Variants in VPS13D observed in about 807,000 individuals in gnomAD.
VPS13D encodes the protein vacuolar protein sorting 13 homolog D, also known as intermembrane lipid transfer protein VPS13D.
In VPS13D, 187 loss-of-function variants were observed where a neutral mutation model predicts 461.9. That is an observed-to-expected ratio of 0.40 (90% confidence interval 0.36 to 0.46). The LOEUF is 0.46. VPS13D is among the 20% of genes least tolerant of loss of function. VPS13D has a pLI of 0.60. For missense variants in VPS13D, 4,711 were observed against 5,364.9 expected (o/e 0.88, Z 3.81); for synonymous variants, 1,951 against 1,986.3 (o/e 0.98, Z 0.47).
chr1:12,290,318 T>A (rs566791744), intron 22 of VPS13D, among the ~76,000 whole-genome samples: 1 of 152,346 alleles, frequency 6.6e-6, no homozygotes, highest in South Asian at 2.1e-4. Flanking sequence ...CCTCCTTTAT[T>A]CTTTTATCCA....
chr1:12,238,229 C>T (rs1394142698), intron 2 of VPS13D, among the ~76,000 whole-genome samples: 1 of 115,112 alleles, frequency 8.7e-6, no homozygotes, highest in African/African-American at 3.5e-5. Context: ...CCAAAAAATC[C>T]CCCCCAAAAA....
chr1:12,492,861 C>T (rs373307322), intron 67 of VPS13D, among the ~76,000 whole-genome samples: 3 of 152,130 alleles, frequency 2.0e-5, no homozygotes, highest in Admixed American at 6.5e-5. Flanking sequence ...AATGTGACAG[C>T]GACATCCTTT....
At chr1:12,233,563 A>C (rs974632330) in intron 1 of VPS13D, among the ~76,000 whole-genome samples, 4 of 152,328 alleles carry the variant, frequency 2.6e-5, no homozygotes, top group Admixed American at 2.0e-4. Flanking sequence ...ACGGCAGTCT[A>C]ATCCCAAGGT....
chr1:12,448,706 G>A (rs1449502513), intron 65 of VPS13D, among the ~76,000 whole-genome samples: 1 of 152,222 alleles, frequency 6.6e-6, no homozygotes, highest in Non-Finnish European at 1.5e-5. Flanking sequence ...TTGAAGATCA[G>A]TTGTCTTGAT....
intron 10 of VPS13D, among the ~76,000 whole-genome samples, chr1:12,259,073 G>A (rs1309775238): frequency 2.0e-5 from 3 of 150,772 alleles, no homozygotes; most frequent in Non-Finnish European, 3.0e-5. Flanking sequence ...ACAAGGTCTG[G>A]CTCTATTGCC....
chr1:12,421,459 T>G (rs1644862448), intron 65 of VPS13D, among the ~76,000 whole-genome samples: 1 of 152,210 alleles, frequency 6.6e-6, no homozygotes, highest in African/African-American at 2.4e-5. Context: ...GTGAAGAATA[T>G]CTGCAAGACA....
chr1:12,463,117 C>T (rs1007224398), intron 67 of VPS13D, among the ~76,000 whole-genome samples: 1 of 152,024 alleles, frequency 6.6e-6, no homozygotes, highest in African/African-American at 2.4e-5. Flanking sequence ...CATGAGACAG[C>T]GATCTGCCTA....
chr1:12,418,822 A>T (rs1224673908), intron 65 of VPS13D, among the ~76,000 whole-genome samples: 8 of 152,188 alleles, frequency 5.3e-5, no homozygotes, highest in Admixed American at 5.2e-4. Context: ...GGACACTGAG[A>T]GTAGGAGAGT....
intron 2 of VPS13D, among the ~76,000 whole-genome samples, chr1:12,236,542 G>A (rs189609393): frequency 2.0e-5 from 3 of 152,070 alleles, no homozygotes; most frequent in East Asian, 1.9e-4. Context: ...CACCACGCCC[G>A]GCTAATTTTT....
intron 23 of VPS13D, among the ~76,000 whole-genome samples, chr1:12,292,917 A>G (rs1157878360): frequency 3.3e-5 from 5 of 152,038 alleles, no homozygotes; most frequent in African/African-American, 1.2e-4. Flanking sequence ...AAAATTCTCA[A>G]TTTCCCGCCT....
At chr1:12,322,839 A>C in intron 34 of VPS13D, 93 bp downstream of exon 34, 3 of 1,081,774 alleles carry the variant, frequency 2.8e-6, no homozygotes, top group Non-Finnish European at 4.0e-6. Context: ...TAAATTGTAC[A>C]CAGTTTAATT....
Position 12,271,017 on chromosome 1 carries a change from G to A in VPS13D, c.1996G>A (p.Glu666Lys), listed in dbSNP as rs764401567. The change falls in exon 17 of 70, where the codon GAG becomes AAG. Residue 666 changes from glutamate (E) to lysine (K), a missense_variant. Glu to Lys is a moderately conservative substitution (Grantham distance 56). This residue lies in a region of VPS13D where 4,411 missense variants were observed against 4,937.8 expected (regional missense o/e 0.89). Transcript: ENST00000620676. ...TSGFGYQSEL[E>K]LRVAEAARRQ... ...AGGTTTTGGTTATCAGTCTGAACTTGAGCTGAGAGTGGCTGAAGCTGCCCG... is the reference window on the plus strand; with the variant it reads ...AGGTTTTGGTTATCAGTCTGAACTTAAGCTGAGAGTGGCTGAAGCTGCCCG... 1.2e-6 allele frequency: 2 copies of A among 1,613,820 alleles called. No homozygotes were observed. Among genetic ancestry groups the A allele is most frequent in the South Asian group, 1.1e-5 (1 of 91,064 alleles).
intron 21 of VPS13D, among the ~76,000 whole-genome samples, chr1:12,285,266 G>T (rs1443829645): frequency 1.4e-5 from 2 of 145,090 alleles, no homozygotes; most frequent in South Asian, 2.1e-4. Flanking sequence ...TTTATTTTAT[G>T]TATTTATTTA....
intron 5 of VPS13D, among the ~76,000 whole-genome samples, chr1:12,246,946 G>A (rs1191424645): frequency 6.6e-6 from 1 of 152,180 alleles, no homozygotes; most frequent in Admixed American, 6.5e-5. Flanking sequence ...AAACATTTGT[G>A]TATAGGGTTT....
intron 54 of VPS13D, among the ~76,000 whole-genome samples, chr1:12,371,638 C>T (rs973015743): frequency 3.9e-5 from 6 of 152,092 alleles, no homozygotes; most frequent in African/African-American, 1.4e-4. Flanking sequence ...GGCGATCCAC[C>T]CACCTCTGCC....
chr1:12,342,011 G>A (rs997079596), intron 41 of VPS13D, 126 bp downstream of exon 41: 3 of 766,988 alleles, frequency 3.9e-6, no homozygotes, highest in Non-Finnish European at 6.2e-6. Flanking sequence ...ATAACTTGCT[G>A]TCTTGCTGAG....
intron 21 of VPS13D, among the ~76,000 whole-genome samples, chr1:12,286,840 A>C (rs1641987868): frequency 3.3e-5 from 5 of 152,138 alleles, no homozygotes; most frequent in Admixed American, 3.3e-4. Context: ...GGTAAAATTA[A>C]ATGACTAGAG....
At chr1:12,321,408 G>GTCT (rs1553179040) in intron 32 of VPS13D, among the ~76,000 whole-genome samples, 1 of 152,046 alleles carries the variant, frequency 6.6e-6, no homozygotes, top group Admixed American at 6.6e-5. Context: ...AATCCATATG[G>GTCT]TCTTTTTTGT....
chr1:12,295,658 T>G (rs1454201179), intron 24 of VPS13D, among the ~76,000 whole-genome samples: 1 of 152,156 alleles, frequency 6.6e-6, no homozygotes, highest in East Asian at 1.9e-4. Flanking sequence ...CTTTAACAAC[T>G]CAAAAAAAAT....
Sources: gnomAD v4.1 joint callset for allele counts (sites outside exome capture counted in the v4.1 genomes callset) on GRCh38, gnomAD v4.1.1 for gene constraint, gnomAD v4.1.1 regional missense constraint, MANE v1.5 for transcripts, NCBI Gene and HGNC (gene_info 2026-07-23, HGNC 2026-07-21) for gene names.